Variants in FGD3 observed in about 807,000 individuals in gnomAD.
The protein encoded by FGD3 is FYVE, RhoGEF and PH domain-containing protein 3.
FGD3 carries 45 observed loss-of-function variants against 71.8 expected under a neutral mutation model. The observed-to-expected ratio is 0.63, with a 90% CI of 0.49 to 0.80. FGD3 has a LOEUF of 0.80. Ranked by LOEUF, FGD3 falls within the 30% of genes least tolerant of loss-of-function variation. The pLI is 0.00. For synonymous variants in FGD3, 378 were observed against 392.8 expected, an observed-to-expected ratio of 0.96 and a Z score of 0.44; for missense variants, 844 against 951.5, an observed-to-expected ratio of 0.89 and a Z score of 1.49.
rs147120978 is a variant in FGD3, at chr9:93,003,473, A to G, written c.543+459A>G. Among the ~76,000 whole-genome samples the G allele has an allele frequency of 9.4e-3, 1,433 of 152,284 alleles. 15 individuals carry two copies. The highest frequency in any genetic ancestry group is 0.029 in the South Asian group (141 of 4,812). ...TTCAGTGCTTGTAGCTCTGAGGAGA[A>G]GGCTTTGCCAAGTCACCTGTGGGAC... On this transcript the variant is annotated intron_variant, in intron 4 of 17. Transcript: ENST00000375482. This position sits in a 1 kb window ranked among gnomAD's most constrained non-coding sequence, Gnocchi z 4.1.
chr9:93,035,572 G>A lies in FGD3; in HGVS notation c.2161G>A (p.Gly721Ser). ...PGALQLQVPMGAAAP is the reference protein window; with the variant it reads ...PGALQLQVPMSAAAP ...GGCCCTGCAGCTTCAGGTCCCTATGGGCGCAGCTGCTCCGTGAGCTGAGTC... is the reference window on the plus strand; with the variant it reads ...GGCCCTGCAGCTTCAGGTCCCTATGAGCGCAGCTGCTCCGTGAGCTGAGTC... Residue 721 changes from glycine to serine, a missense_variant, in exon 18 of 18, where the codon GGC becomes AGC. Transcript: ENST00000375482. 2 of 1,595,070 alleles carry A rather than the reference G, an allele frequency of 1.3e-6. No individual in the cohort carries two copies. The highest frequency in any genetic ancestry group is 1.7e-6 in the Non-Finnish European group (2 of 1,173,450).
intron 1 of FGD3, among the ~76,000 whole-genome samples, chr9:92,965,950 C>T (rs796626523): frequency 6.6e-5 from 10 of 152,202 alleles, no homozygotes; most frequent in African/African-American, 2.2e-4. Flanking sequence ...CAAGGAGGCT[C>T]GGAGGCAAGC....
chr9:92,948,441 G>A (rs1267262779), intron 1 of FGD3, among the ~76,000 whole-genome samples: 1 of 152,212 alleles, frequency 6.6e-6, no homozygotes, highest in Non-Finnish European at 1.5e-5. Context: ...TCGTGCCTCT[G>A]GTCCTTGGGG....
At chr9:92,975,561 A>G (rs1859710480) in intron 2 of FGD3, among the ~76,000 whole-genome samples, 156 bp downstream of exon 2, 1 of 152,136 alleles carries the variant, frequency 6.6e-6, no homozygotes, top group Non-Finnish European at 1.5e-5. Flanking sequence ...CTGTGCACTT[A>G]TAATTGACAC....
At chr9:92,975,965 T>C (rs891621299) in intron 2 of FGD3, among the ~76,000 whole-genome samples, 2 of 152,246 alleles carry the variant, frequency 1.3e-5, no homozygotes, top group African/African-American at 2.4e-5. Flanking sequence ...ATTTTTTTTA[T>C]GCGGAACAAA....
At chr9:93,007,282 G>A (rs1018520630) in intron 6 of FGD3, among the ~76,000 whole-genome samples, 18 of 150,894 alleles carry the variant, frequency 1.2e-4, no homozygotes, top group Non-Finnish European at 1.6e-4. Flanking sequence ...TAGTAGAGAC[G>A]GGGTTTCACC....
Position 93,022,325 on chromosome 9 carries a change from A to G in FGD3, c.1495-2A>G. On this transcript the variant is annotated splice_acceptor_variant, in intron 13 of 17. Coordinates refer to ENST00000375482, the MANE Select transcript of FGD3 (RefSeq NM_001083536.2). LOFTEE classifies it high-confidence loss of function. ...CTCACTCGGCCTCTGTGTCCCTTCT[A>G]GATCACGAGCACCAGCCCTGTGGAG... The G allele has an allele frequency of 6.2e-7, 1 of 1,611,394 alleles. No homozygotes were observed. Among genetic ancestry groups the G allele is most frequent in the Non-Finnish European group, 8.5e-7 (1 of 1,178,754 alleles).
intron 3 of FGD3, among the ~76,000 whole-genome samples, chr9:92,976,983 C>T (rs546033189): frequency 9.2e-5 from 14 of 152,324 alleles, no homozygotes; most frequent in African/African-American, 3.1e-4. Flanking sequence ...ACCTCCCGAC[C>T]CTGGGAAGGT....
chr9:93,014,293 C>T (rs1383362073), intron 9 of FGD3, among the ~76,000 whole-genome samples: 1 of 152,150 alleles, frequency 6.6e-6, no homozygotes, highest in Non-Finnish European at 1.5e-5. Context: ...ACTGAGCAGA[C>T]TTCAGCTTGT....
At chr9:92,984,283 T>C (rs1860108582) in intron 3 of FGD3, among the ~76,000 whole-genome samples, 1 of 152,226 alleles carries the variant, frequency 6.6e-6, no homozygotes, top group South Asian at 2.1e-4. Flanking sequence ...TTATTTTACT[T>C]TGGGACAAGA....
chr9:93,009,630 G>T (rs553588278), intron 6 of FGD3, among the ~76,000 whole-genome samples: 123 of 152,344 alleles, frequency 8.1e-4, no homozygotes, highest in African/African-American at 2.7e-3. Flanking sequence ...ACGTGTCTGG[G>T]GTTCAGATGC....
chr9:92,969,488 G>C lies in FGD3; in HGVS notation c.-217-5750G>C, dbSNP rs537245394. 4.6e-5 allele frequency among the ~76,000 whole-genome samples: 7 copies of C among 152,300 alleles called. No individual in the cohort carries two copies. In the East Asian group the frequency reaches 7.7e-4, roughly 17 times the overall value. ...TGAAGTGGCATCAAAGAATATACGG[G>C]CAGTTTAAAAACCACCACTAACGCG... On this transcript the variant is annotated intron_variant, in intron 1 of 17. Coordinates refer to ENST00000375482, the MANE Select transcript of FGD3 (RefSeq NM_001083536.2). The surrounding 1 kb of genome is among the most constrained non-coding windows in gnomAD (Gnocchi z 4.5).
At chr9:93,009,494 C>A (rs1020602241) in intron 6 of FGD3, among the ~76,000 whole-genome samples, 1 of 152,118 alleles carries the variant, frequency 6.6e-6, no homozygotes, top group Non-Finnish European at 1.5e-5. Flanking sequence ...GTGGACAGGA[C>A]GACAAAGTCA....
At chr9:92,957,335 TGA>T (rs1345032350) in intron 1 of FGD3, among the ~76,000 whole-genome samples, 3 of 152,242 alleles carry the variant, frequency 2.0e-5, no homozygotes, top group Admixed American at 6.5e-5. Flanking sequence ...AGTTTCACAC[TGA>T]GAGTTACGTT....
intron 3 of FGD3, among the ~76,000 whole-genome samples, chr9:92,993,734 C>T (rs1001807569): frequency 2.0e-5 from 3 of 152,116 alleles, no homozygotes; most frequent in East Asian, 1.9e-4. Context: ...TCCGTCCTTG[C>T]GATAGTTTGC....
At chr9:92,963,789 C>T (rs1859219006) in intron 1 of FGD3, among the ~76,000 whole-genome samples, 1 of 152,188 alleles carries the variant, frequency 6.6e-6, no homozygotes, top group African/African-American at 2.4e-5. Flanking sequence ...TGGAGCAGCC[C>T]TCGTGGGTCA....
At chr9:92,983,449 C>T (rs7853510) in intron 3 of FGD3, among the ~76,000 whole-genome samples, 8,270 of 151,432 alleles carry the variant, frequency 0.055, 322 homozygotes, top group Middle Eastern at 0.089. Flanking sequence ...GGCGTGCACC[C>T]GGGAGGCAGA....
intron 13 of FGD3, among the ~76,000 whole-genome samples, chr9:93,021,043 C>G (rs1861898844): frequency 6.6e-6 from 1 of 152,230 alleles, no homozygotes; most frequent in Non-Finnish European, 1.5e-5. Flanking sequence ...GAAACTGAGT[C>G]TGAGGAGCTC....
intron 3 of FGD3, among the ~76,000 whole-genome samples, chr9:92,991,287 C>T (rs1860399568): frequency 6.6e-6 from 1 of 152,106 alleles, no homozygotes. Context: ...CCATGTTTCC[C>T]AGGCTGGTTT....
Sources: gnomAD v4.1 joint callset for allele counts (sites outside exome capture counted in the v4.1 genomes callset) on GRCh38, gnomAD v4.1.1 for gene constraint, Gnocchi (gnomAD v3.1) non-coding constraint, MANE v1.5 for transcripts, NCBI Gene and HGNC (gene_info 2026-07-23, HGNC 2026-07-21) for gene names.